The following CNTN2 variants were observed in gnomAD, a reference collection of about 807,000 sequenced individuals.
CNTN2 encodes contactin-2.
CNTN2 carries 53 observed loss-of-function variants against 117.5 expected under a neutral mutation model. The ratio of observed to expected loss-of-function variants is 0.45; its 90% CI spans 0.36 to 0.57. The LOEUF (loss-of-function observed/expected upper bound fraction) is 0.57. Ranked by LOEUF, CNTN2 falls within the 20% of genes least tolerant of loss-of-function variation. The pLI is 0.00. For missense variants in CNTN2, 1,106 were observed against 1,404.3 expected (o/e 0.79, Z 3.39); for synonymous variants, 530 against 561.7 (o/e 0.94, Z 0.80).
Position 205,064,396 on chromosome 1 carries a change from C to T in CNTN2, c.1315C>T (p.Pro439Ser), listed in dbSNP as rs369127731. 1.2e-6 allele frequency: 2 copies of T among 1,612,428 alleles called. No homozygotes were observed. Among genetic ancestry groups the T allele is most frequent in the African/African-American group, 1.3e-5 (1 of 74,996 alleles). ...GGCCCGCGGGGGAGAGATCCTTATC[C>T]CCTGCCAGCCCCGGGCAGCTCCAAA... ...PAARGGEILI[P>S]CQPRAAPKAV... Residue 439 changes from proline (P) to serine (S), a missense_variant, in exon 11 of 23, where the codon CCC becomes TCC. By Grantham distance (74) the Pro-to-Ser change is moderately conservative. Transcript: ENST00000331830.
Position 205,074,920 on chromosome 1 carries a change from G to T in CNTN2, c.*1155G>T. Reference sequence around the variant, plus strand: ...GCCTTGGACTGCTTGCATTTCCCCGGAGAAAAAGGGGTTAATAAATGGGCC... The same window carrying T: ...GCCTTGGACTGCTTGCATTTCCCCGTAGAAAAAGGGGTTAATAAATGGGCC... On this transcript the variant is annotated 3_prime_UTR_variant, in exon 23 of 23. Transcript: ENST00000331830. 1 of 398,572 alleles carries T rather than the reference G, an allele frequency of 2.5e-6. No homozygotes were observed. The highest frequency in any genetic ancestry group is 1.3e-4 in the South Asian group (1 of 7,846). 24.7% of individuals were successfully genotyped at this position (398,572 alleles called of 1,614,324 possible). A position where few individuals can be genotyped will look rare whatever the true frequency, so the allele number is the denominator to read the frequency against.
rs1173849819 is a variant in CNTN2, at chr1:205,072,353, G to A, written c.2732-130G>A. Reference sequence around the variant, plus strand: ...TTTGGATTTTCATGGGCTTTGTTTCGTGGGCATGACAGAATGTGCTGGGTG... The same window carrying A: ...TTTGGATTTTCATGGGCTTTGTTTCATGGGCATGACAGAATGTGCTGGGTG... On this transcript the variant is annotated intron_variant, in intron 20 of 22. Transcript: ENST00000331830. The A allele has an allele frequency of 3.0e-5, 23 of 769,552 alleles. 1 individual carries two copies. In the Admixed American group the frequency reaches 5.3e-4, roughly 18 times the overall value. The allele number at this position is 769,552 out of a possible 1,614,324, so 47.7% of individuals were successfully genotyped here.
At chr1:205,066,017 A>G in intron 14 of CNTN2, 108 bp downstream of exon 14, 1 of 1,366,266 alleles carries the variant, frequency 7.3e-7, no homozygotes, top group African/African-American at 1.5e-5. Context: ...GCTGCGGGGA[A>G]GGGCTTCCGG....
Position 205,066,710 on chromosome 1 carries a change from GC to G in CNTN2, c.1975+112del. On this transcript the variant is annotated intron_variant, in intron 15 of 22. Transcript: ENST00000331830. The stretch of plus-strand genomic sequence containing the variant: ...TCTGAGGGCCAGGGCTGAGCCTGGA[GC>G]TTCAAAGAGGGACAAGATCTGTCCT... 11 of 1,266,764 alleles carry G rather than the reference GC, an allele frequency of 8.7e-6. No individual in the cohort carries two copies. The South Asian group carries it at 1.6e-4, about 19-fold the overall frequency. The allele number at this position is 1,266,764 out of a possible 1,614,324, so 78.5% of individuals were successfully genotyped here.
At chr1:205,043,039 T>C (rs1315520511), upstream of CNTN2, 7 of 109,358 alleles carry the variant, frequency 6.4e-5, no homozygotes, top group African/African-American at 2.5e-4. Context: ...TGACAGCAAA[T>C]GAGGTAAAGC....
intron 20 of CNTN2, 62 bp from the exon 21 acceptor site, chr1:205,072,421 T>G: frequency 7.2e-7 from 1 of 1,386,936 alleles, no homozygotes; most frequent in Non-Finnish European, 1.0e-6. Context: ...TGGTTAAAGG[T>G]GAGGGGGTGC....
intron 20 of CNTN2, 169 bp downstream of exon 20, chr1:205,072,302 C>T: frequency 1.2e-6 from 1 of 827,890 alleles, no homozygotes; most frequent in African/African-American, 1.7e-5. Flanking sequence ...TTCATGGCCC[C>T]TGAAGCGTCT....
In CNTN2 at chr1:205,065,917, G is replaced by A. The variant is rs764059022; in HGVS notation, c.1816+8G>A. 6 of 1,606,116 alleles carry A rather than the reference G, an allele frequency of 3.7e-6. No homozygotes were observed. Among genetic ancestry groups the A allele is most frequent in the Admixed American group, 3.4e-5 (2 of 59,514 alleles). On this transcript the variant is annotated splice_region_variant and intron_variant, in intron 14 of 22. Coordinates refer to ENST00000331830, the MANE Select transcript of CNTN2 (RefSeq NM_005076.5). The surrounding 1 kb of genome is among the most constrained non-coding windows in gnomAD (Gnocchi z 4.1). ...CCACAGTCCTGGTCCGAGGTGAGGGGTTTCCCACCTCTACCCCTACCCCAA... is the reference window on the plus strand; with the variant it reads ...CCACAGTCCTGGTCCGAGGTGAGGGATTTCCCACCTCTACCCCTACCCCAA...
At chr1:205,064,214 G>A in intron 10 of CNTN2, 108 bp from the exon 11 acceptor site, 3 of 1,197,732 alleles carry the variant, frequency 2.5e-6, no homozygotes, top group Non-Finnish European at 3.5e-6. Flanking sequence ...CATTCTGGAA[G>A]AGGTGCTAAT....
At chr1:205,052,338 A>G (rs2096454332) in intron 1 of CNTN2, among the ~76,000 whole-genome samples, 1 of 152,206 alleles carries the variant, frequency 6.6e-6, no homozygotes, top group African/African-American at 2.4e-5. Context: ...CATCTCTGAG[A>G]CTGATGGGAC....
At chr1:205,070,281 G>C in intron 18 of CNTN2, 145 bp from the exon 19 acceptor site, 1 of 704,774 alleles carries the variant, frequency 1.4e-6, no homozygotes, top group Non-Finnish European at 2.4e-6. Flanking sequence ...GTGGGCCCTG[G>C]AGCATTGCTT....
At position 205,074,150 on chromosome 1, in the gene CNTN2, C is replaced by T. The variant is rs2151201581; in HGVS notation, c.*385C>T. On this transcript the variant is annotated 3_prime_UTR_variant, in exon 23 of 23. Coordinates refer to ENST00000331830, the MANE Select transcript of CNTN2 (RefSeq NM_005076.5). ...TCCGCCACTTGAGAGCAGTCCTAGG[C>T]CCGGCAGGAACACCAGACATGAACA... The T allele has an allele frequency of 2.1e-6, 1 of 482,002 alleles. No homozygotes were observed. Among genetic ancestry groups the T allele is most frequent in the East Asian group, 3.0e-5 (1 of 33,474 alleles). The allele number at this position is 482,002 out of a possible 1,614,324, so 29.9% of individuals were successfully genotyped here. A position where few individuals can be genotyped will look rare whatever the true frequency, so the allele number is the denominator to read the frequency against.
intron 10 of CNTN2, 72 bp downstream of exon 10, chr1:205,062,641 G>A (rs2242000): frequency 0.19 from 286,104 of 1,535,258 alleles, 28,685 homozygotes; most frequent in East Asian, 0.39. Flanking sequence ...CTGAGTTTAG[G>A]TGTTTCCAAA....
rs1326308283 is a variant in CNTN2, at chr1:205,065,698, G to C, written c.1696-91G>C. The stretch of plus-strand genomic sequence containing the variant: ...GGTCCATGGATGTCATGGAGTAGGG[G>C]ACTCCCAAGCGCTGCCTCATGTCTC... On this transcript the variant is annotated intron_variant, in intron 13 of 22. Coordinates refer to ENST00000331830, the MANE Select transcript of CNTN2 (RefSeq NM_005076.5). The surrounding 1 kb of genome is among the most constrained non-coding windows in gnomAD (Gnocchi z 4.1). The C allele has an allele frequency of 2.8e-5, 16 of 566,368 alleles. No individual in the cohort carries two copies. The highest frequency in any genetic ancestry group is 4.8e-5 in the Non-Finnish European group (15 of 314,590). 35.1% of individuals were successfully genotyped at this position (566,368 alleles called of 1,614,324 possible).
chr1:205,061,487 A>C lies in CNTN2; in HGVS notation c.973+67A>C, dbSNP rs549736322. On this transcript the variant is annotated intron_variant, in intron 8 of 22. Transcript: ENST00000331830. The surrounding 1 kb of genome is among the most constrained non-coding windows in gnomAD (Gnocchi z 4.8). ...CTTCCCGCCTTCACCCTTGTCCCCA[A>C]GGAAACAGACCCAAAAGTCAGGGAG... The C allele has an allele frequency of 6.8e-7, 1 of 1,477,428 alleles. No individual in the cohort carries two copies. The highest frequency in any genetic ancestry group is 1.3e-5 in the South Asian group (1 of 75,066). 91.5% of individuals were successfully genotyped at this position (1,477,428 alleles called of 1,614,324 possible). A position where few individuals can be genotyped will look rare whatever the true frequency, so the allele number is the denominator to read the frequency against.
At chr1:205,054,399 C>T (rs549487443) in intron 2 of CNTN2, among the ~76,000 whole-genome samples, 12 of 152,324 alleles carry the variant, frequency 7.9e-5, no homozygotes, top group South Asian at 2.1e-4. Flanking sequence ...GAGTGTGGGG[C>T]GAGCCATCCA....
At chr1:205,055,718 C>A (rs921661421) in intron 2 of CNTN2, among the ~76,000 whole-genome samples, 4 of 152,156 alleles carry the variant, frequency 2.6e-5, no homozygotes, top group African/African-American at 4.8e-5. Context: ...CAAGGTCCAA[C>A]CCCCCAGATC....
intron 10 of CNTN2, chr1:205,063,309 C>T (rs1158941562): frequency 6.6e-6 from 1 of 152,204 alleles, no homozygotes; most frequent in Non-Finnish European, 1.5e-5. Context: ...TAAATAATTT[C>T]AGCTAGCCAT....
At chr1:205,070,120 T>G (rs1654514593) in intron 18 of CNTN2, 59 bp downstream of exon 18, 2 of 1,533,578 alleles carry the variant, frequency 1.3e-6, no homozygotes, top group Non-Finnish European at 1.8e-6. Context: ...CACAGGGATG[T>G]GGGGTGGGGG....
Sources: gnomAD v4.1 joint callset for allele counts (sites outside exome capture counted in the v4.1 genomes callset) on GRCh38, gnomAD v4.1.1 for gene constraint, Gnocchi (gnomAD v3.1) non-coding constraint, MANE v1.5 for transcripts, NCBI Gene and HGNC (gene_info 2026-07-23, HGNC 2026-07-21) for gene names.